ERC1: variants seen among roughly 807,000 people sequenced by gnomAD.
ERC1 encodes RAB6 interacting protein 2.
ERC1 carries 56 observed loss-of-function variants against 132.0 expected under a neutral mutation model. The ratio of observed to expected loss-of-function variants is 0.42; its 90% confidence interval spans 0.34 to 0.53. The LOEUF (loss-of-function observed/expected upper bound fraction) is 0.53. Ranked by LOEUF, ERC1 falls within the 20% of genes least tolerant of loss-of-function variation. The pLI is 0.03. For synonymous variants in ERC1, 478 were observed against 476.1 expected (o/e 1.00, Z -0.05); for missense variants, 1,202 against 1,349.9 (o/e 0.89, Z 1.72).
chr12:1,418,808 G>A (rs953067268), intron 17 of ERC1, among the ~76,000 whole-genome samples: 5 of 151,268 alleles, frequency 3.3e-5, no homozygotes, highest in African/African-American at 1.2e-4. Context: ...GGACTCATGG[G>A]CTCAAGGGAT....
At chr12:1,193,729 C>A (rs1364184455) in intron 12 of ERC1, among the ~76,000 whole-genome samples, 3 of 152,120 alleles carry the variant, frequency 2.0e-5, no homozygotes, top group African/African-American at 4.8e-5. Context: ...CCTTTTCTCT[C>A]CTGGGAAACC....
rs956625724 is a variant in ERC1 at position 1,299,262 on chromosome 12, C to T, written c.2780+9250C>T. 4.6e-5 allele frequency among the ~76,000 whole-genome samples: 7 copies of T among 152,244 alleles called. No homozygotes were observed. The East Asian group carries it at 1.2e-3, about 25-fold the overall frequency. ...CATATGGAAGTTTCACAGATACAGACCATATGCTGGGCCTTAAAAGTAAGT... is the reference window on the plus strand; with the variant it reads ...CATATGGAAGTTTCACAGATACAGATCATATGCTGGGCCTTAAAAGTAAGT... On this transcript the variant is annotated intron_variant, in intron 15 of 18. Coordinates refer to ENST00000360905, the MANE Select transcript of ERC1 (RefSeq NM_178040.4).
At chr12:1,320,664 G>C (rs1467942592) in intron 15 of ERC1, among the ~76,000 whole-genome samples, 1 of 152,114 alleles carries the variant, frequency 6.6e-6, no homozygotes, top group Non-Finnish European at 1.5e-5. Flanking sequence ...GTAACAAAGG[G>C]AGTATGTATT....
At chr12:1,326,739 T>C (rs1157387807) in intron 15 of ERC1, among the ~76,000 whole-genome samples, 1 of 152,234 alleles carries the variant, frequency 6.6e-6, no homozygotes, top group East Asian at 1.9e-4. Flanking sequence ...CAGGGTAATG[T>C]TGTCAGTCAT....
At chr12:1,353,339 T>C (rs1183819756) in intron 15 of ERC1, among the ~76,000 whole-genome samples, 1 of 152,212 alleles carries the variant, frequency 6.6e-6, no homozygotes, top group Non-Finnish European at 1.5e-5. Flanking sequence ...CTACAAATAA[T>C]GCTTTAACGC....
At chr12:1,295,456 C>T (rs889972148) in intron 15 of ERC1, among the ~76,000 whole-genome samples, 5 of 151,930 alleles carry the variant, frequency 3.3e-5, no homozygotes, top group Non-Finnish European at 5.9e-5. Context: ...ATGAGACTGC[C>T]CAAGGCTTAC....
At chr12:1,436,829 G>T (rs1386094954) in intron 17 of ERC1, among the ~76,000 whole-genome samples, 3 of 152,132 alleles carry the variant, frequency 2.0e-5, no homozygotes, top group African/African-American at 7.2e-5. Context: ...GTCCTTGTAG[G>T]GCTGGCCTGC....
rs148718732 is a variant in ERC1 at position 1,103,800 on chromosome 12, A to T, written c.1087-950A>T. On this transcript the variant is annotated intron_variant, in intron 3 of 18. Transcript: ENST00000360905. ...TGACCCTCCTGCCTTGGCCTCCCAA[A>T]GTGCTGGGATTACAGGTATGAGTCA... Among the ~76,000 whole-genome samples, 502 of 152,262 alleles carry T rather than the reference A, an allele frequency of 3.3e-3. 3 individuals are homozygous for T. The highest frequency in any genetic ancestry group is 0.012 in the African/African-American group (480 of 41,564).
At chr12:991,715 G>C (rs755209016) in intron 1 of ERC1, 3 of 152,426 alleles carry the variant, frequency 2.0e-5, no homozygotes, top group Non-Finnish European at 4.4e-5. Flanking sequence ...GACTAGTGAA[G>C]CCGCGGACGA....
At chr12:1,392,454 C>T (rs542551576) in intron 16 of ERC1, among the ~76,000 whole-genome samples, 11 of 152,220 alleles carry the variant, frequency 7.2e-5, no homozygotes, top group East Asian at 5.8e-4. Flanking sequence ...TGCAGATAAC[C>T]GATTTTTTTA....
At chr12:1,202,301 T>C (rs1263035952) in intron 12 of ERC1, among the ~76,000 whole-genome samples, 2 of 152,144 alleles carry the variant, frequency 1.3e-5, no homozygotes, top group African/African-American at 4.8e-5. Flanking sequence ...CACCTAAAAG[T>C]ATAAAGATTA....
At chr12:1,391,941 T>G (rs375751175) in intron 16 of ERC1, among the ~76,000 whole-genome samples, 2 of 152,242 alleles carry the variant, frequency 1.3e-5, no homozygotes, top group Non-Finnish European at 2.9e-5. Context: ...CTGACTGGTC[T>G]GCCTTCTCTC....
At chr12:1,440,452 C>G (rs572188820) in intron 17 of ERC1, among the ~76,000 whole-genome samples, 68 of 150,296 alleles carry the variant, frequency 4.5e-4, no homozygotes, top group Admixed American at 9.9e-4. Flanking sequence ...GTGATCTGCC[C>G]TCCTTGGCCT....
intron 7 of ERC1, among the ~76,000 whole-genome samples, chr12:1,138,686 A>G (rs997649339): frequency 6.6e-6 from 1 of 152,134 alleles, no homozygotes; most frequent in Non-Finnish European, 1.5e-5. Context: ...GAAGGAAAGT[A>G]TAGTATTTAT....
chr12:1,424,782 A>G (rs1389962852), intron 17 of ERC1, among the ~76,000 whole-genome samples: 1 of 149,262 alleles, frequency 6.7e-6, no homozygotes, highest in Non-Finnish European at 1.5e-5. Context: ...TGTCTTGAGA[A>G]GAGCTTGAGA....
intron 13 of ERC1, among the ~76,000 whole-genome samples, chr12:1,241,150 C>A (rs1263140496): frequency 6.6e-6 from 1 of 152,158 alleles, no homozygotes; most frequent in Non-Finnish European, 1.5e-5. Context: ...TATAGTACTT[C>A]CAGCAGTTTG....
chr12:1,243,251 A>G (rs2075946156), intron 13 of ERC1, among the ~76,000 whole-genome samples: 2 of 152,202 alleles, frequency 1.3e-5, no homozygotes, highest in South Asian at 4.1e-4. Context: ...ATATATGCGA[A>G]GATGTGCATA....
At chr12:1,484,722 T>C (rs1592343635) in intron 18 of ERC1, among the ~76,000 whole-genome samples, 1 of 151,480 alleles carries the variant, frequency 6.6e-6, no homozygotes, top group East Asian at 2.0e-4. Context: ...GGACTACAGG[T>C]GCACGCCACC....
At chr12:1,288,242 A>G (rs2079168862) in intron 14 of ERC1, among the ~76,000 whole-genome samples, 1 of 152,232 alleles carries the variant, frequency 6.6e-6, no homozygotes. Flanking sequence ...GCAAATACAT[A>G]TCCCAGTATA....
Sources: gnomAD v4.1 joint callset for allele counts (sites outside exome capture counted in the v4.1 genomes callset) on GRCh38, gnomAD v4.1.1 for gene constraint, MANE v1.5 for transcripts, NCBI Gene and HGNC (gene_info 2026-07-23, HGNC 2026-07-21) for gene names.